The following CACNB2 variants were observed in gnomAD, a reference collection of about 807,000 sequenced individuals.
CACNB2 encodes voltage-dependent L-type calcium channel subunit beta-2.
In CACNB2, 42 loss-of-function variants were observed where a neutral mutation model predicts 73.3. The ratio of observed to expected loss-of-function variants is 0.57; its 90% CI spans 0.45 to 0.74. CACNB2 has a LOEUF of 0.74. Among genes scored for constraint, CACNB2 ranks in the 30% least tolerant of loss-of-function variants. The pLI is 0.00. For synonymous variants in CACNB2, 348 were observed against 310.3 expected, an observed-to-expected ratio of 1.12 and a Z score of -1.28; for missense variants, 940 against 853.0, an observed-to-expected ratio of 1.10 and a Z score of -1.27.
At chr10:18,351,808 CT>C (rs1327969201) in intron 2 of CACNB2, among the ~76,000 whole-genome samples, 1 of 152,184 alleles carries the variant, frequency 6.6e-6, no homozygotes, top group Non-Finnish European at 1.5e-5. Context: ...TAGAGAAAGT[CT>C]CTTTTAAAGT....
chr10:18,320,401 G>C (rs2040357967), intron 2 of CACNB2, among the ~76,000 whole-genome samples: 1 of 151,886 alleles, frequency 6.6e-6, no homozygotes, highest in Non-Finnish European at 1.5e-5. Flanking sequence ...TTTTTCGTTT[G>C]GTGAAATGAG....
intron 3 of CACNB2, among the ~76,000 whole-genome samples, chr10:18,466,060 C>T (rs759723614): frequency 5.3e-5 from 8 of 152,144 alleles, no homozygotes; most frequent in Non-Finnish European, 1.2e-4. Context: ...AGAGTGACAA[C>T]ACTTGACAAA....
chr10:18,243,154 G>T (rs1254493378), intron 2 of CACNB2, among the ~76,000 whole-genome samples: 1 of 151,764 alleles, frequency 6.6e-6, no homozygotes, highest in Non-Finnish European at 1.5e-5. Context: ...AAACATCCTG[G>T]TAGATATTAA....
intron 3 of CACNB2, among the ~76,000 whole-genome samples, chr10:18,443,124 G>C (rs1279611203): frequency 6.7e-6 from 1 of 149,810 alleles, no homozygotes; most frequent in East Asian, 2.0e-4. Flanking sequence ...TTTTACTTTA[G>C]CATGCATTTG....
intron 2 of CACNB2, among the ~76,000 whole-genome samples, chr10:18,325,543 TCTTTTC>T (rs1239622081): frequency 3.3e-5 from 5 of 151,906 alleles, no homozygotes; most frequent in Admixed American, 3.3e-4. Flanking sequence ...TTCCTTCTTT[TCTTTTC>T]CTTTTCTTTT....
At chr10:18,343,984 G>A (rs2041340988) in intron 2 of CACNB2, among the ~76,000 whole-genome samples, 2 of 150,972 alleles carry the variant, frequency 1.3e-5, no homozygotes, top group East Asian at 1.9e-4. Context: ...AGATGATGAT[G>A]ATGAAGTATT....
chr10:18,515,153 G>C (rs1284440940), intron 7 of CACNB2: 2 of 868,140 alleles, frequency 2.3e-6, no homozygotes, highest in African/African-American at 3.3e-5. Context: ...GTCATGCGTA[G>C]AGCCTTTGCC....
At chr10:18,420,811 C>G (rs555879672) in intron 3 of CACNB2, among the ~76,000 whole-genome samples, 4 of 152,092 alleles carry the variant, frequency 2.6e-5, no homozygotes, top group Non-Finnish European at 5.9e-5. Context: ...GTTAAACATT[C>G]GAGTTGGACC....
intron 2 of CACNB2, among the ~76,000 whole-genome samples, chr10:18,265,254 C>T (rs1371197921): frequency 1.3e-5 from 2 of 151,220 alleles, no homozygotes; most frequent in East Asian, 3.9e-4. Context: ...GCATTCAAGC[C>T]TCAGCCTCCT....
chr10:18,380,621 A>T (rs146872911), intron 2 of CACNB2, among the ~76,000 whole-genome samples: 176 of 151,642 alleles, frequency 1.2e-3, no homozygotes, highest in African/African-American at 4.2e-3. Context: ...CGCCCAGCTA[A>T]TATTTTTATT....
intron 3 of CACNB2, among the ~76,000 whole-genome samples, chr10:18,403,127 G>A (rs771425021): frequency 2.0e-5 from 3 of 152,086 alleles, no homozygotes; most frequent in Non-Finnish European, 2.9e-5. Context: ...TTCTTACCTC[G>A]CCTGGCAGGG....
chr10:18,428,058 A>G (rs1451828130), intron 3 of CACNB2, among the ~76,000 whole-genome samples: 1 of 151,974 alleles, frequency 6.6e-6, no homozygotes, highest in Admixed American at 6.6e-5. Flanking sequence ...ATTATTGTTC[A>G]GTTCTAAGTA....
At chr10:18,237,423 G>A (rs2131483757) in intron 2 of CACNB2, among the ~76,000 whole-genome samples, 1 of 152,256 alleles carries the variant, frequency 6.6e-6, no homozygotes, top group South Asian at 2.1e-4. Context: ...CAGAGATGGG[G>A]CAGATGCATC....
Position 18,401,937 on chromosome 10 carries a change from C to A in CACNB2, c.227C>A (p.Ser76Tyr). The change falls in exon 3 of 14, where the codon TCC (serine) becomes TAC (tyrosine). Residue 76 changes from serine to tyrosine, a missense_variant. Transcript: ENST00000324631. ...NSFVRQGSAD[S>Y]YTSRPSDSDV... ...TTTCCTCTCCAGGGTTCGGCAGACT[C>A]CTACACTAGCCGTCCATCCGATTCC... 2 of 1,614,046 alleles carry A rather than the reference C, an allele frequency of 1.2e-6. No homozygotes were observed. Among genetic ancestry groups the A allele is most frequent in the Non-Finnish European group, 1.7e-6 (2 of 1,179,910 alleles).
At chr10:18,198,247 A>G (rs2131299131) in intron 2 of CACNB2, among the ~76,000 whole-genome samples, 1 of 150,634 alleles carries the variant, frequency 6.6e-6, no homozygotes, top group African/African-American at 2.4e-5. Flanking sequence ...TATTTGAGTT[A>G]ATATATGCAA....
chr10:18,507,469 A>C (rs943230483), intron 6 of CACNB2, among the ~76,000 whole-genome samples: 1 of 152,252 alleles, frequency 6.6e-6, no homozygotes, highest in African/African-American at 2.4e-5. Flanking sequence ...GTTTAAGTAC[A>C]TATTGCATGG....
intron 3 of CACNB2, among the ~76,000 whole-genome samples, chr10:18,474,759 G>T (rs1001766111): frequency 3.3e-5 from 5 of 151,926 alleles, no homozygotes; most frequent in African/African-American, 1.2e-4. Context: ...TCCAACAACA[G>T]ATGTGGGTTG....
chr10:18,477,019 CAAAA>C (rs35846838), intron 3 of CACNB2, among the ~76,000 whole-genome samples: 1 of 122,504 alleles, frequency 8.2e-6, no homozygotes, highest in Non-Finnish European at 1.8e-5. Context: ...GATTGAATCT[CAAAA>C]AAAAAAAAAA....
rs1172214427 is a variant in CACNB2 at position 18,412,850 on chromosome 10, G to A, written c.333+10807G>A. 3.9e-5 allele frequency among the ~76,000 whole-genome samples: 6 copies of A among 152,234 alleles called. No individual in the cohort carries two copies. In the East Asian group the frequency reaches 9.6e-4, roughly 24 times the overall value. On this transcript the variant is annotated intron_variant, in intron 3 of 13. Transcript: ENST00000324631. ...TCTGTAGAGCCCCAAGAGATCCATG[G>A]ATTCTTCTGGAGTCACTGCAGAGGC...
Sources: gnomAD v4.1 joint callset for allele counts (sites outside exome capture counted in the v4.1 genomes callset) on GRCh38, gnomAD v4.1.1 for gene constraint, MANE v1.5 for transcripts, NCBI Gene and HGNC (gene_info 2026-07-23, HGNC 2026-07-21) for gene names.